Variants in NRXN1 observed in about 807,000 individuals in gnomAD.
NRXN1 encodes the protein neurexin-1.
In NRXN1, 39 loss-of-function variants were observed where a neutral mutation model predicts 150.9. That is an observed-to-expected ratio of 0.26 (90% CI 0.20 to 0.34). The LOEUF is 0.34. Ranked by LOEUF, NRXN1 falls within the 10% of genes least tolerant of loss-of-function variation. The pLI is 1.00. For missense variants in NRXN1, 1,815 were observed against 1,949.9 expected, an observed-to-expected ratio of 0.93 and a Z score of 1.30; for synonymous variants, 924 against 757.0, an observed-to-expected ratio of 1.22 and a Z score of -3.62.
At chr2:50,218,930 T>G (rs540128851) in intron 18 of NRXN1, among the ~76,000 whole-genome samples, 1 of 152,152 alleles carries the variant, frequency 6.6e-6, no homozygotes, top group African/African-American at 2.4e-5. Flanking sequence ...TTTAAATAGT[T>G]TTCAAGAGAG....
intron 17 of NRXN1, among the ~76,000 whole-genome samples, chr2:50,240,514 C>T (rs1287594706): frequency 1.3e-5 from 2 of 151,650 alleles, no homozygotes; most frequent in Admixed American, 1.3e-4. Flanking sequence ...AAATTACTCT[C>T]ATAATCAAAT....
intron 21 of NRXN1, among the ~76,000 whole-genome samples, chr2:49,990,666 T>C (rs1216016663): frequency 6.6e-6 from 1 of 152,058 alleles, no homozygotes; most frequent in Non-Finnish European, 1.5e-5. Flanking sequence ...ATTTGGGAAG[T>C]GAAAAGCAGG....
At chr2:50,902,264 C>A (rs926858643) in intron 5 of NRXN1, among the ~76,000 whole-genome samples, 1 of 151,800 alleles carries the variant, frequency 6.6e-6, no homozygotes, top group Non-Finnish European at 1.5e-5. Flanking sequence ...AACATTTATT[C>A]ATTTTGCTTA....
At chr2:49,939,714 T>A (rs1460590076) in intron 22 of NRXN1, among the ~76,000 whole-genome samples, 2 of 152,164 alleles carry the variant, frequency 1.3e-5, no homozygotes, top group African/African-American at 4.8e-5. Flanking sequence ...TCTTTTTGTA[T>A]AACTGAATTG....
At chr2:50,159,863 G>C (rs1391181139) in intron 18 of NRXN1, among the ~76,000 whole-genome samples, 1 of 151,982 alleles carries the variant, frequency 6.6e-6, no homozygotes, top group Non-Finnish European at 1.5e-5. Flanking sequence ...AAAATATTTT[G>C]AATCACATAA....
At position 50,469,378 on chromosome 2, in the gene NRXN1, A is replaced by G. The variant is rs144283541; in HGVS notation, c.3244+2920T>C. Among the ~76,000 whole-genome samples, 951 of 151,850 alleles carry G rather than the reference A, an allele frequency of 6.3e-3. 7 individuals carry two copies. The highest frequency in any genetic ancestry group is 0.01 in the Non-Finnish European group (679 of 67,754). ...AACAAGTGATTATTTAGGAAAGATC[A>G]AAAGTTTTTTGTATGCAAGAGGCTT... On this transcript the variant is annotated intron_variant, in intron 16 of 22. Coordinates refer to ENST00000401669, the MANE Select transcript of NRXN1 (RefSeq NM_001330078.2).
intron 17 of NRXN1, among the ~76,000 whole-genome samples, chr2:50,341,513 A>G (rs2077547976): frequency 6.6e-6 from 1 of 152,210 alleles, no homozygotes; most frequent in Admixed American, 6.5e-5. Context: ...AAACATTCTT[A>G]GTAAAGATAA....
intron 17 of NRXN1, chr2:50,312,899 T>C: frequency 2.3e-6 from 1 of 436,530 alleles, no homozygotes; most frequent in Non-Finnish European, 4.6e-6. Flanking sequence ...ATAAGCAACT[T>C]GTTAGGGCAT....
At position 50,546,858 on chromosome 2, in the gene NRXN1, T is replaced by C. The variant is rs112871828; in HGVS notation, c.1759+5729A>G. ...ATAAATGCACTTAAAATTACTTCAA[T>C]GTATATAACAGGCTACTAGGCAGAG... On this transcript the variant is annotated intron_variant, in intron 9 of 22. Coordinates refer to ENST00000401669, the MANE Select transcript of NRXN1 (RefSeq NM_001330078.2). Among the ~76,000 whole-genome samples the C allele has an allele frequency of 4.2e-3, 634 of 152,280 alleles. 7 individuals are homozygous for C. The highest frequency in any genetic ancestry group is 4.0e-3 in the Non-Finnish European group (275 of 68,018).
chr2:50,576,940 T>C (rs1007087564), intron 8 of NRXN1, among the ~76,000 whole-genome samples: 1 of 152,080 alleles, frequency 6.6e-6, no homozygotes, highest in African/African-American at 2.4e-5. Flanking sequence ...TATGATGTAA[T>C]TTATTATATT....
At chr2:50,235,924 C>T (rs1375386727) in intron 18 of NRXN1, among the ~76,000 whole-genome samples, 6 of 151,936 alleles carry the variant, frequency 3.9e-5, no homozygotes, top group East Asian at 1.9e-4. Context: ...TGACACACTA[C>T]GATTTTTTGG....
chr2:50,628,688 C>T (rs1285311666), intron 5 of NRXN1, among the ~76,000 whole-genome samples: 1 of 151,530 alleles, frequency 6.6e-6, no homozygotes, highest in East Asian at 1.9e-4. Context: ...AAATACAAGT[C>T]CCAAATAACT....
rs149280768 is a variant in NRXN1, at chr2:50,371,601, T to C, written c.3364+93841A>G. ...TATAGACCAGATTTTTATCCTGGGATCTACGAATAAGTTTCAAGGGAAGGA... is the reference window on the plus strand; with the variant it reads ...TATAGACCAGATTTTTATCCTGGGACCTACGAATAAGTTTCAAGGGAAGGA... On this transcript the variant is annotated intron_variant, in intron 17 of 22. Coordinates refer to ENST00000401669, the MANE Select transcript of NRXN1 (RefSeq NM_001330078.2). Among the ~76,000 whole-genome samples, 50 of 152,086 alleles carry C rather than the reference T, an allele frequency of 3.3e-4. No homozygotes were observed. The East Asian group carries it at 9.7e-3, about 29-fold the overall frequency.
intron 17 of NRXN1, among the ~76,000 whole-genome samples, chr2:50,376,770 G>C (rs1353750930): frequency 6.6e-6 from 1 of 152,022 alleles, no homozygotes; most frequent in African/African-American, 2.4e-5. Flanking sequence ...CTAGGATAAA[G>C]AATCACAGAT....
chr2:50,775,388 TTTGTGTTTCTGGAC>T (rs1273470618), intron 5 of NRXN1, among the ~76,000 whole-genome samples: 12 of 152,258 alleles, frequency 7.9e-5, no homozygotes, highest in African/African-American at 2.6e-4. Flanking sequence ...TTTCCTTAGA[TTTGTGTTTCTGGAC>T]TCACTGATGA....
intron 2 of NRXN1, among the ~76,000 whole-genome samples, chr2:50,959,805 T>G (rs1200394069): frequency 2.6e-5 from 4 of 152,000 alleles, no homozygotes; most frequent in African/African-American, 9.7e-5. Context: ...TGATCTCAGT[T>G]TCAAGAAACA....
At chr2:50,278,244 A>ATATATATATATTATATATAT (rs2070848795) in intron 17 of NRXN1, among the ~76,000 whole-genome samples, 5 of 123,648 alleles carry the variant, frequency 4.0e-5, no homozygotes, top group South Asian at 4.5e-4. Flanking sequence ...TATATATAAT[A>ATATATATATATTATATATAT]TATATATATA....
intron 18 of NRXN1, among the ~76,000 whole-genome samples, chr2:50,096,127 C>A (rs1700190496): frequency 6.6e-6 from 1 of 151,966 alleles, no homozygotes; most frequent in South Asian, 2.1e-4. Context: ...TGAAGGCTAT[C>A]AAAATAAGGG....
At chr2:50,304,563 G>C (rs2074440676) in intron 17 of NRXN1, among the ~76,000 whole-genome samples, 1 of 152,096 alleles carries the variant, frequency 6.6e-6, no homozygotes, top group African/African-American at 2.4e-5. Context: ...TTATAGCTGG[G>C]TAATATATAA....
Sources: allele counts gnomAD v4.1 joint callset (sites outside exome capture counted in the v4.1 genomes callset), GRCh38; gene constraint gnomAD v4.1.1; transcripts MANE v1.5; gene names NCBI Gene and HGNC (gene_info 2026-07-23, HGNC 2026-07-21).